Variants in CAMTA1 observed in about 807,000 individuals in gnomAD.
The protein encoded by CAMTA1 is calmodulin-binding transcription activator 1.
In CAMTA1, 27 loss-of-function variants were observed where a neutral mutation model predicts 170.9. The observed-to-expected ratio is 0.16, with a 90% CI of 0.12 to 0.22. CAMTA1 has a LOEUF of 0.22. CAMTA1 is among the 10% of genes least tolerant of loss of function. The probability of loss-of-function intolerance (pLI) is 1.00; values close to 1 mark genes in which losing one functional copy is unlikely to be tolerated. For missense variants in CAMTA1, 1,619 were observed against 2,217.2 expected (o/e 0.73, Z 5.42); for synonymous variants, 833 against 891.5 (o/e 0.93, Z 1.17).
At chr1:6,926,486 T>TTCTTTC (rs1553188109) in intron 3 of CAMTA1, among the ~76,000 whole-genome samples, 4 of 134,730 alleles carry the variant, frequency 3.0e-5, no homozygotes, top group Non-Finnish European at 6.5e-5. Context: ...CTTTCTTTCT[T>TTCTTTC]TCTCTCTCTC....
intron 5 of CAMTA1, among the ~76,000 whole-genome samples, chr1:7,394,959 T>A (rs923202851): frequency 1.3e-5 from 2 of 151,788 alleles, no homozygotes; most frequent in Non-Finnish European, 2.9e-5. Context: ...CTCAGCTCAC[T>A]GCAACCTCTG....
chr1:7,583,182 C>A (rs1252153680), intron 6 of CAMTA1, among the ~76,000 whole-genome samples: 1 of 152,062 alleles, frequency 6.6e-6, no homozygotes, highest in Admixed American at 6.5e-5. Flanking sequence ...CCAACCTGCC[C>A]ATCATCCTGG....
At chr1:7,438,342 T>G (rs1172448711) in intron 5 of CAMTA1, among the ~76,000 whole-genome samples, 1 of 152,128 alleles carries the variant, frequency 6.6e-6, no homozygotes, top group African/African-American at 2.4e-5. Context: ...ACAGCTTTCT[T>G]TGGAGTCTTT....
At chr1:7,053,617 C>T (rs1239970767) in intron 3 of CAMTA1, among the ~76,000 whole-genome samples, 1 of 152,176 alleles carries the variant, frequency 6.6e-6, no homozygotes, top group Non-Finnish European at 1.5e-5. Context: ...CTGAGCCCAT[C>T]CCCTTCCCCT....
chr1:7,672,987 T>C (rs1483469285), intron 10 of CAMTA1, among the ~76,000 whole-genome samples: 4 of 152,090 alleles, frequency 2.6e-5, no homozygotes, highest in Non-Finnish European at 5.9e-5. Flanking sequence ...GGTCTGCCTA[T>C]CACAGCTCAG....
chr1:7,339,404 G>C (rs1208432933), intron 5 of CAMTA1, among the ~76,000 whole-genome samples: 1 of 152,186 alleles, frequency 6.6e-6, no homozygotes, highest in Non-Finnish European at 1.5e-5. Context: ...CAGAATTATT[G>C]TCATCATTTT....
At chr1:7,584,403 G>A (rs2095290551) in intron 6 of CAMTA1, among the ~76,000 whole-genome samples, 1 of 152,122 alleles carries the variant, frequency 6.6e-6, no homozygotes, top group East Asian at 1.9e-4. Context: ...GAGATGATGT[G>A]GAGGGTGGTC....
rs562582768 is a variant in CAMTA1 at position 7,126,081 on chromosome 1, C to T, written c.302+34710C>T. On this transcript the variant is annotated intron_variant, in intron 4 of 22. Transcript: ENST00000303635. ...GAGAGCCAAGTGAAAGGGGAAACCA[C>T]GTATAAAACCATCAGATTCCATGAG... Among the ~76,000 whole-genome samples, 351 of 152,244 alleles carry T rather than the reference C, an allele frequency of 2.3e-3. 1 individual carries two copies. Among genetic ancestry groups the T allele is most frequent in the South Asian group, 5.0e-3 (24 of 4,820 alleles).
intron 5 of CAMTA1, among the ~76,000 whole-genome samples, chr1:7,403,617 T>G (rs547202593): frequency 1.1e-3 from 167 of 152,228 alleles, no homozygotes; most frequent in African/African-American, 3.5e-3. Flanking sequence ...GGGAGCAGCA[T>G]GGTGCTTTGG....
At chr1:7,621,220 C>T (rs1199397242) in intron 6 of CAMTA1, among the ~76,000 whole-genome samples, 1 of 152,214 alleles carries the variant, frequency 6.6e-6, no homozygotes, top group Non-Finnish European at 1.5e-5. Flanking sequence ...GAGGCTGCCA[C>T]AGAAGAGGGG....
chr1:7,031,591 G>A (rs1230966542), intron 3 of CAMTA1, among the ~76,000 whole-genome samples: 2 of 152,208 alleles, frequency 1.3e-5, no homozygotes, highest in African/African-American at 4.8e-5. Flanking sequence ...CCAGGCTGGA[G>A]TGCAGTGGTG....
At chr1:6,958,890 G>A (rs1237453816) in intron 3 of CAMTA1, among the ~76,000 whole-genome samples, 2 of 151,958 alleles carry the variant, frequency 1.3e-5, no homozygotes, top group East Asian at 1.9e-4. Context: ...TAGTATTCAC[G>A]AAAAATGCTC....
intron 4 of CAMTA1, among the ~76,000 whole-genome samples, chr1:7,218,238 C>T (rs1660098371): frequency 6.6e-6 from 1 of 152,164 alleles, no homozygotes; most frequent in Non-Finnish European, 1.5e-5. Context: ...TCAAATGCAT[C>T]GTTGAGGTTT....
At chr1:7,655,361 AACAC>A (rs756959585) in intron 7 of CAMTA1, among the ~76,000 whole-genome samples, 4 of 130,866 alleles carry the variant, frequency 3.1e-5, no homozygotes, top group Non-Finnish European at 6.4e-5. Context: ...CCCTTAAACA[AACAC>A]ACCCACCTAT....
intron 3 of CAMTA1, chr1:6,834,256 TA>T (rs973819240): frequency 6.6e-6 from 1 of 151,188 alleles, no homozygotes; most frequent in Admixed American, 6.6e-5. Flanking sequence ...ATTTATTTTT[TA>T]ATTTTTATTT....
chr1:7,071,064 GC>G (rs1391740720), intron 3 of CAMTA1, among the ~76,000 whole-genome samples: 1 of 152,244 alleles, frequency 6.6e-6, no homozygotes, highest in African/African-American at 2.4e-5. Context: ...GCCAGTCAGA[GC>G]CCGCAGACTG....
chr1:7,604,336 G>A (rs1431699699), intron 6 of CAMTA1, among the ~76,000 whole-genome samples: 2 of 152,170 alleles, frequency 1.3e-5, no homozygotes, highest in Non-Finnish European at 2.9e-5. Context: ...CGTAGAGTTG[G>A]TCTTTTCACA....
In CAMTA1 at chr1:6,970,708, A is replaced by G. The variant is rs1227201468; in HGVS notation, c.235-120596A>G. ...CTACTAGAGCACCTGTTCAGGACGT[A>G]TCATCCAGTCCTGGTGGGTCAGGAC... is the stretch of plus-strand genomic sequence containing the variant. On this transcript the variant is annotated intron_variant, in intron 3 of 22. Coordinates refer to ENST00000303635, the MANE Select transcript of CAMTA1 (RefSeq NM_015215.4). This position sits in a 1 kb window ranked among gnomAD's most constrained non-coding sequence, Gnocchi z 4.4. Among the ~76,000 whole-genome samples, 2 of 152,208 alleles carry G rather than the reference A, an allele frequency of 1.3e-5. No individual in the cohort carries two copies. The highest frequency in any genetic ancestry group is 4.8e-5 in the African/African-American group (2 of 41,456).
rs147446375 is a variant in CAMTA1 at position 7,350,169 on chromosome 1, C to G, written c.438+100543C>G. On this transcript the variant is annotated intron_variant, in intron 5 of 22. Coordinates refer to ENST00000303635, the MANE Select transcript of CAMTA1 (RefSeq NM_015215.4). ...CCAGGCACCTGCTCTTGTTCTCCCC[C>G]ACTATCCCAGCACCCATCCCCTGCC... Among the ~76,000 whole-genome samples the G allele has an allele frequency of 3.2e-3, 486 of 152,286 alleles. 1 individual carries two copies. Among genetic ancestry groups the G allele is most frequent in the African/African-American group, 0.011 (466 of 41,554 alleles).
Sources: allele counts gnomAD v4.1 joint callset (sites outside exome capture counted in the v4.1 genomes callset), GRCh38; gene constraint gnomAD v4.1.1; non-coding constraint Gnocchi (gnomAD v3.1); transcripts MANE v1.5; gene names NCBI Gene and HGNC (gene_info 2026-07-23, HGNC 2026-07-21).